Variants in DUSP10 observed in about 807,000 individuals in gnomAD.
DUSP10 encodes the protein dual specificity protein phosphatase 10.
Under a neutral mutation model 30.8 loss-of-function variants are expected in DUSP10, and 14 were observed. The observed-to-expected ratio is 0.46, with a 90% confidence interval of 0.30 to 0.71. The LOEUF is 0.71. Among genes scored for constraint, DUSP10 ranks in the 30% least tolerant of loss-of-function variants. The probability of loss-of-function intolerance (pLI) is 0.08; values close to 1 mark genes in which losing one functional copy is unlikely to be tolerated. For missense variants in DUSP10, 550 were observed against 619.4 expected (o/e 0.89, Z 1.19); for synonymous variants, 254 against 250.4 (o/e 1.01, Z -0.14).
intron 2 of DUSP10, among the ~76,000 whole-genome samples, chr1:221,726,925 A>T (rs1391934209): frequency 6.6e-6 from 1 of 152,160 alleles, no homozygotes; most frequent in African/African-American, 2.4e-5. Flanking sequence ...CAATATTATA[A>T]TTATGGTTGA....
intron 1 of DUSP10, among the ~76,000 whole-genome samples, chr1:221,741,097 C>G (rs973016490): frequency 3.9e-5 from 6 of 152,186 alleles, no homozygotes; most frequent in African/African-American, 1.4e-4. Flanking sequence ...CAGGCGGAAT[C>G]CACACTCACG....
chr1:221,739,238 A>T lies in DUSP10; in HGVS notation c.507T>A (p.Ser169Arg). The T allele has an allele frequency of 6.2e-7, 1 of 1,613,934 alleles. No individual in the cohort carries two copies. Residue 169 changes from serine to arginine, a missense_variant, in exon 2 of 4, where the codon AGT (serine) becomes AGA (arginine). Transcript: ENST00000366899. ...MTKCSKSHLP[S>R]QGPVIIDCRP... ...TGCAGTCAATGATGACAGGGCCCTG[A>T]CTCGGCAGGTGACTCTTGCTGCATT...
At chr1:221,720,015 T>C (rs888055650) in intron 2 of DUSP10, among the ~76,000 whole-genome samples, 34 of 152,230 alleles carry the variant, frequency 2.2e-4, no homozygotes, top group African/African-American at 8.2e-4. Flanking sequence ...GGTGCTCTGC[T>C]TCCCACTTCC....
intron 2 of DUSP10, among the ~76,000 whole-genome samples, chr1:221,716,396 A>G (rs1661109339): frequency 6.6e-6 from 1 of 152,198 alleles, no homozygotes. Context: ...TCCCTCTGCC[A>G]GAGGGGCAGG....
intron 2 of DUSP10, among the ~76,000 whole-genome samples, chr1:221,708,873 T>C (rs1464035138): frequency 6.6e-6 from 1 of 152,064 alleles, no homozygotes; most frequent in Non-Finnish European, 1.5e-5. Flanking sequence ...AGTTGTTACA[T>C]TTTTCCATAT....
chr1:221,730,400 C>T (rs1404093369), intron 2 of DUSP10, among the ~76,000 whole-genome samples: 3 of 152,118 alleles, frequency 2.0e-5, no homozygotes, highest in Non-Finnish European at 2.9e-5. Flanking sequence ...TTGATGTGTG[C>T]AATGGACAAC....
At chr1:221,704,823 G>A (rs1426395277) in intron 3 of DUSP10, among the ~76,000 whole-genome samples, 1 of 152,032 alleles carries the variant, frequency 6.6e-6, no homozygotes, top group Non-Finnish European at 1.5e-5. Flanking sequence ...CTGTGCTGAC[G>A]GCATAATTAG....
Position 221,739,208 on chromosome 1 carries a change from G to C in DUSP10, c.537C>G (p.Pro179=). 6.2e-7 allele frequency: 1 copy of C among 1,614,196 alleles called. No individual in the cohort carries two copies. Among genetic ancestry groups the C allele is most frequent in the Non-Finnish European group, 8.5e-7 (1 of 1,180,042 alleles). ...TGTGACTCTTGTTGTACTCCATGAA[G>C]GGCCTGCAGTCAATGATGACAGGGC... is the stretch of plus-strand genomic sequence containing the variant. ...SQGPVIIDCR[P]FMEYNKSHIQ... The change falls in exon 2 of 4, where the codon CCC becomes CCG. Residue 179 remains proline (P), a synonymous_variant. Transcript: ENST00000366899.
intron 2 of DUSP10, among the ~76,000 whole-genome samples, chr1:221,717,879 T>G (rs952781567): frequency 1.3e-5 from 2 of 152,140 alleles, no homozygotes; most frequent in African/African-American, 4.8e-5. Flanking sequence ...GTTTAAGCTA[T>G]CCAGTCTACG....
rs1179587544 is a variant in DUSP10, at chr1:221,702,127, A to C, written c.*285T>G. ...TCATAAACTCTACAAATAGCTTAAAAGGAAAAGGGGGAGAAACAAGTTGTA... is the reference window on the plus strand; with the variant it reads ...TCATAAACTCTACAAATAGCTTAAACGGAAAAGGGGGAGAAACAAGTTGTA... On this transcript the variant is annotated 3_prime_UTR_variant, in exon 4 of 4. Transcript: ENST00000366899. The surrounding 1 kb of genome is among the most constrained non-coding windows in gnomAD (Gnocchi z 4.5). 5.4e-6 allele frequency: 2 copies of C among 372,080 alleles called. No individual in the cohort carries two copies. The highest frequency in any genetic ancestry group is 1.1e-4 in the East Asian group (2 of 17,738). 23.0% of individuals were successfully genotyped at this position (372,080 alleles called of 1,614,324 possible). A position where few individuals can be genotyped will look rare whatever the true frequency, so the allele number is the denominator to read the frequency against.
intron 2 of DUSP10, among the ~76,000 whole-genome samples, chr1:221,727,213 A>G (rs970387871): frequency 1.3e-5 from 2 of 152,222 alleles, no homozygotes; most frequent in African/African-American, 4.8e-5. Context: ...AATATAAGGG[A>G]GCATCAGCCG....
At chr1:221,741,495 A>G (rs1204377692) in intron 1 of DUSP10, among the ~76,000 whole-genome samples, 4 of 152,068 alleles carry the variant, frequency 2.6e-5, no homozygotes, top group Non-Finnish European at 5.9e-5. Context: ...CCGTGAAACC[A>G]TCCAGTCTGG....
At chr1:221,741,449 G>T (rs1406238123) in intron 1 of DUSP10, among the ~76,000 whole-genome samples, 1 of 151,884 alleles carries the variant, frequency 6.6e-6, no homozygotes, top group Non-Finnish European at 1.5e-5. Flanking sequence ...AGAGAGACCT[G>T]CATCCCTGCA....
At chr1:221,719,384 C>T (rs764065347) in intron 2 of DUSP10, among the ~76,000 whole-genome samples, 8 of 152,088 alleles carry the variant, frequency 5.3e-5, no homozygotes, top group Non-Finnish European at 1.0e-4. Flanking sequence ...ATGATCACAC[C>T]GTACCATGAG....
rs1661971766 is a variant in DUSP10, at chr1:221,742,084, A to T, written c.-147T>A. ...GGCTTCATTGATCTCCAGCAGCAACATAGTTACTTTCTCTTTTGCTACACT... is the reference window on the plus strand; with the variant it reads ...GGCTTCATTGATCTCCAGCAGCAACTTAGTTACTTTCTCTTTTGCTACACT... On this transcript the variant is annotated 5_prime_UTR_variant, in exon 1 of 4. An upstream start codon of the reference 5' UTR is lost. Transcript: ENST00000366899. The T allele has an allele frequency of 6.6e-6, 1 of 152,250 alleles. No homozygotes were observed. The highest frequency in any genetic ancestry group is 1.5e-5 in the Non-Finnish European group (1 of 68,094). 9.4% of individuals were successfully genotyped at this position (152,250 alleles called of 1,614,324 possible).
rs1217942212 is a variant in DUSP10, at chr1:221,739,635, G to A, written c.110C>T (p.Pro37Leu). The A allele has an allele frequency of 6.2e-7, 1 of 1,614,098 alleles. No homozygotes were observed. The highest frequency in any genetic ancestry group is 1.3e-5 in the African/African-American group (1 of 74,940). Residue 37 changes from proline (P) to leucine (L), a missense_variant, in exon 2 of 4, where the codon CCA (proline) becomes CTA (leucine). Physicochemically the swap from Pro to Leu is moderately conservative, Grantham distance 98. Coordinates refer to ENST00000366899, the MANE Select transcript of DUSP10 (RefSeq NM_007207.6). ...LDSSYLGSANPGSNSHPPVIA... is the reference protein window; with the variant it reads ...LDSSYLGSANLGSNSHPPVIA... ...GACAGGAGGGTGGCTGTTACTGCCT[G>A]GGTTGGCAGAGCCAAGGTAACTAGA...
intron 2 of DUSP10, among the ~76,000 whole-genome samples, chr1:221,722,079 C>T (rs1661294307): frequency 6.6e-6 from 1 of 152,226 alleles, no homozygotes; most frequent in South Asian, 2.1e-4. Flanking sequence ...CTCTTAATAA[C>T]TGTGCACCTT....
intron 2 of DUSP10, among the ~76,000 whole-genome samples, chr1:221,717,325 C>T (rs551920721): frequency 1.3e-4 from 20 of 152,136 alleles, no homozygotes; most frequent in Non-Finnish European, 2.5e-4. Flanking sequence ...GGAAGGGAGG[C>T]AGGGACCCTC....
In DUSP10 at chr1:221,706,027, G is replaced by A. The variant is rs1660748158; in HGVS notation, c.1183+68C>T. ...CAACACAGGAATAAACCTTGAACTT[G>A]ATATCAAAGCAAGAGCTGGAGGGAA... On this transcript the variant is annotated intron_variant, in intron 3 of 3. Coordinates refer to ENST00000366899, the MANE Select transcript of DUSP10 (RefSeq NM_007207.6). This position sits in a 1 kb window ranked among gnomAD's most constrained non-coding sequence, Gnocchi z 4.6. The A allele has an allele frequency of 1.9e-6, 3 of 1,550,346 alleles. No homozygotes were observed. The highest frequency in any genetic ancestry group is 2.5e-5 in the South Asian group (2 of 79,534).
Sources: allele counts gnomAD v4.1 joint callset (sites outside exome capture counted in the v4.1 genomes callset), GRCh38; gene constraint gnomAD v4.1.1; non-coding constraint Gnocchi (gnomAD v3.1); transcripts MANE v1.5; gene names NCBI Gene and HGNC (gene_info 2026-07-23, HGNC 2026-07-21).